The following ACTN3 variants were observed in gnomAD, a reference collection of about 807,000 sequenced individuals.
ACTN3 encodes actinin alpha 3.
A neutral mutation model predicts 119.6 loss-of-function variants in ACTN3; 91 were observed. That is an observed-to-expected ratio of 0.76 (90% CI 0.64 to 0.91). ACTN3 has a LOEUF of 0.91. Among genes scored for constraint, ACTN3 ranks in the 40% least tolerant of loss-of-function variants. The pLI is 0.00. For synonymous variants in ACTN3, 456 were observed against 478.8 expected, an observed-to-expected ratio of 0.95 and a Z score of 0.62; for missense variants, 1,221 against 1,215.1, an observed-to-expected ratio of 1.00 and a Z score of -0.07.
In ACTN3 at chr11:66,561,715, C is replaced by A. The variant is rs1857773958; in HGVS notation, c.2175+78C>A. 4 of 1,476,186 alleles carry A rather than the reference C, an allele frequency of 2.7e-6. No individual in the cohort carries two copies. The East Asian group carries it at 7.3e-5, about 27-fold the overall frequency. 91.4% of individuals were successfully genotyped at this position (1,476,186 alleles called of 1,614,324 possible). A position where few individuals can be genotyped will look rare whatever the true frequency, so the allele number is the denominator to read the frequency against. Reference sequence around the variant, plus strand: ...CCAGGGAGATCACAGCTGGACAGAGCATGTGTGTCCCAGCAGAGTCCCCAG... The same window carrying A: ...CCAGGGAGATCACAGCTGGACAGAGAATGTGTGTCCCAGCAGAGTCCCCAG... On this transcript the variant is annotated intron_variant, in intron 17 of 20. Coordinates refer to ENST00000513398, the MANE Select transcript of ACTN3 (RefSeq NM_001104.4).
In ACTN3 at chr11:66,561,348, A is replaced by ATT; in HGVS notation, c.1982_1983insTT (p.Gln661HisfsTer15). 1 of 1,611,070 alleles carries ATT rather than the reference A, an allele frequency of 6.2e-7. No homozygotes were observed. The highest frequency in any genetic ancestry group is 8.5e-7 in the Non-Finnish European group (1 of 1,178,520). On this transcript the variant is annotated frameshift_variant, in exon 16 of 21. Transcript: ENST00000513398. LOFTEE classifies it high-confidence loss of function. ...GCCAATGCCATTGGACCCTGGATCC[A>ATT]GGCGAAGGTGGAGGTAAGGGCTGGG...
chr11:66,555,275 C>T lies in ACTN3; in HGVS notation c.637-11C>T, dbSNP rs1306691400. On this transcript the variant is annotated splice_polypyrimidine_tract_variant and intron_variant, in intron 6 of 20. Transcript: ENST00000513398. ...GCTGACCTTTCACCCTCCTCCCTTA[C>T]ACCCTTCTAGGATGACCCCATCGGA... is the stretch of plus-strand genomic sequence containing the variant. 3.7e-6 allele frequency: 6 copies of T among 1,613,696 alleles called. No homozygotes were observed. In the Admixed American group the frequency reaches 5.0e-5, roughly 13 times the overall value.
rs376621537 is a variant in ACTN3 at position 66,559,398 on chromosome 11, C to T, written c.1427+12C>T. The T allele has an allele frequency of 3.6e-3, 5,363 of 1,487,466 alleles. 14 individuals are homozygous for T. Among genetic ancestry groups the T allele is most frequent in the Non-Finnish European group, 4.2e-3 (4,773 of 1,126,222 alleles). 92.1% of individuals were successfully genotyped at this position (1,487,466 alleles called of 1,614,324 possible). On this transcript the variant is annotated intron_variant, in intron 12 of 20. Coordinates refer to ENST00000513398, the MANE Select transcript of ACTN3 (RefSeq NM_001104.4). ...GCCCAGGAGCTCAAGTAGGCGGGGC[C>T]TCGCGGGGCCCGCCCCCAACACCCC...
Position 66,560,023 on chromosome 11 carries a change from G to A in ACTN3, c.1483G>A (p.Asp495Asn), listed in dbSNP as rs1395107785. 16 of 1,599,502 alleles carry A rather than the reference G, an allele frequency of 1.0e-5. No individual in the cohort carries two copies. The East Asian group carries it at 2.3e-4, about 23-fold the overall frequency. Residue 495 changes from aspartate (D) to asparagine (N), a missense_variant, in exon 13 of 21, where the codon GAT becomes AAT. Physicochemically the swap from Asp to Asn is conservative, Grantham distance 23. This residue lies in a region of ACTN3 where 934 missense variants were observed against 899.9 expected (regional missense o/e 1.04). Coordinates refer to ENST00000513398, the MANE Select transcript of ACTN3 (RefSeq NM_001104.4). ...GAATAGCCGCTGCCAGGCCATCTGCGATCAGTGGGACAACCTGGGCACCCT... is the reference window on the plus strand; with the variant it reads ...GAATAGCCGCTGCCAGGCCATCTGCAATCAGTGGGACAACCTGGGCACCCT... ...SVNSRCQAIC[D>N]QWDNLGTLTQ...
At chr11:66,560,781 C>T in intron 15 of ACTN3, 26 bp downstream of exon 15, 4 of 1,588,022 alleles carry the variant, frequency 2.5e-6, no homozygotes, top group Non-Finnish European at 3.4e-6. Context: ...AGCCTTCCTC[C>T]CACCCCCTCC....
In ACTN3 at chr11:66,561,557, A is replaced by G. The variant is rs1857765507; in HGVS notation, c.2095A>G (p.Ile699Val). The change falls in exon 17 of 21, where the codon ATT becomes GTT. Residue 699 changes from isoleucine to valine, a missense_variant. By Grantham distance (29) the Ile-to-Val change is conservative (BLOSUM62 3). Around this residue, in one of 3 missense-constraint regions of ACTN3, gnomAD observed 934 missense variants for 899.9 expected, o/e 1.04. Coordinates refer to ENST00000513398, the MANE Select transcript of ACTN3 (RefSeq NM_001104.4). ...EQNIINYKTN[I>V]DRLEGDHQLL... is the part of the protein sequence containing the mutation. ...GAACATTATCAACTACAAGACTAAC[A>G]TTGACCGGCTGGAGGGTGACCACCA... is the stretch of plus-strand genomic sequence containing the variant. 2 of 1,612,730 alleles carry G rather than the reference A, an allele frequency of 1.2e-6. No individual in the cohort carries two copies. Among genetic ancestry groups the G allele is most frequent in the South Asian group, 1.1e-5 (1 of 90,770 alleles).
In ACTN3 at chr11:66,546,924, G is replaced by C. The variant is rs761228242; in HGVS notation, c.-14G>C. The C allele has an allele frequency of 7.8e-6, 12 of 1,536,744 alleles. No individual in the cohort carries two copies. The highest frequency in any genetic ancestry group is 2.1e-5 in the Admixed American group (1 of 46,878). ...GAGCGTGCCGAGCGGAGCGAAGCCA[G>C]GAGCCCGATCGAGATGATGATGGTT... On this transcript the variant is annotated 5_prime_UTR_variant, in exon 1 of 21. Transcript: ENST00000513398.
Position 66,555,562 on chromosome 11 carries a change from C to T in ACTN3, c.718+195C>T, listed in dbSNP as rs138995175. On this transcript the variant is annotated intron_variant, in intron 7 of 20. Transcript: ENST00000513398. ...CCCATCCCCCAAAGAGGACCATCCT[C>T]TGCCACCTCTCCCCTATGTAATGGC... Among the ~76,000 whole-genome samples, 398 of 152,232 alleles carry T rather than the reference C, an allele frequency of 2.6e-3. 5 individuals are homozygous for T. The East Asian group carries it at 0.027, about 10-fold the overall frequency.
rs1857732417 is a variant in ACTN3 at position 66,560,602 on chromosome 11, G to A, written c.1707G>A (p.Lys569=). The A allele has an allele frequency of 1.2e-6, 2 of 1,613,416 alleles. No individual in the cohort carries two copies. The highest frequency in any genetic ancestry group is 1.7e-6 in the Non-Finnish European group (2 of 1,179,844). ...TGCTGACAGCGCACGATCAGTTCAA[G>A]GCAACACTGCCCGAGGCTGACCGAG... The part of the protein sequence containing the change: ...QSLLTAHDQF[K]ATLPEADRER... The change falls in exon 15 of 21, where the codon AAG becomes AAA. Residue 569 remains lysine (K), a synonymous_variant. Coordinates refer to ENST00000513398, the MANE Select transcript of ACTN3 (RefSeq NM_001104.4).
upstream of ACTN3, chr11:66,546,504 CTG>C (rs1857342554): frequency 2.6e-6 from 4 of 1,532,352 alleles, no homozygotes; most frequent in Non-Finnish European, 3.5e-6. Context: ...GTGTTCCTGA[CTG>C]TGAAATGGGG....
intron 1 of ACTN3, among the ~76,000 whole-genome samples, chr11:66,550,378 A>C (rs1279620626): frequency 1.3e-5 from 2 of 152,170 alleles, no homozygotes; most frequent in African/African-American, 4.8e-5. Context: ...CAACAGACAC[A>C]CAGCCCTGTA....
chr11:66,562,073 A>G lies in ACTN3; in HGVS notation c.2227A>G (p.Asn743Asp), dbSNP rs747560527. ...GCTCACCTCCATTGCCCGCACCATC[A>G]ATGAAGTGGAGAACCAGGTACTGAC... ...QLLTSIARTINEVENQVLTRD... is the reference protein window; with the variant it reads ...QLLTSIARTIDEVENQVLTRD... The change falls in exon 18 of 21, where the codon AAT becomes GAT. Residue 743 changes from asparagine (N) to aspartate (D), a missense_variant. Asn to Asp is a conservative substitution (Grantham distance 23, BLOSUM62 1). Transcript: ENST00000513398. 7 of 1,613,810 alleles carry G rather than the reference A, an allele frequency of 4.3e-6. No individual in the cohort carries two copies. The East Asian group carries it at 1.3e-4, about 31-fold the overall frequency.
chr11:66,554,524 C>T lies in ACTN3; in HGVS notation c.470-12C>T, dbSNP rs375570577. On this transcript the variant is annotated splice_polypyrimidine_tract_variant and intron_variant, in intron 4 of 20. Coordinates refer to ENST00000513398, the MANE Select transcript of ACTN3 (RefSeq NM_001104.4). ...CCTTCCCAATGAATCCTCCCACCTC[C>T]CCCCGACCCAGAAACCTCAGCCAAG... 6.2e-7 allele frequency: 1 copy of T among 1,601,078 alleles called. No homozygotes were observed. Among genetic ancestry groups the T allele is most frequent in the Non-Finnish European group, 8.5e-7 (1 of 1,172,982 alleles).
Position 66,562,078 on chromosome 11 carries a change from A to C in ACTN3, c.2232A>C (p.Glu744Asp), listed in dbSNP as rs371778972. Reference protein sequence around the residue: ...LLTSIARTINEVENQVLTRDA... With the variant: ...LLTSIARTINDVENQVLTRDA... Reference sequence around the variant, plus strand: ...CCTCCATTGCCCGCACCATCAATGAAGTGGAGAACCAGGTACTGACCCGAG... The same window carrying C: ...CCTCCATTGCCCGCACCATCAATGACGTGGAGAACCAGGTACTGACCCGAG... The change falls in exon 18 of 21, where the codon GAA becomes GAC. Residue 744 changes from glutamate to aspartate, a missense_variant. By Grantham distance (45) the Glu-to-Asp change is conservative (BLOSUM62 2). Around this residue, in one of 3 missense-constraint regions of ACTN3, gnomAD observed 934 missense variants for 899.9 expected, o/e 1.04. Coordinates refer to ENST00000513398, the MANE Select transcript of ACTN3 (RefSeq NM_001104.4). 4.4e-5 allele frequency: 71 copies of C among 1,613,888 alleles called. No individual in the cohort carries two copies. The highest frequency in any genetic ancestry group is 3.8e-4 in the East Asian group (17 of 44,852).
chr11:66,553,859 AAAAAAAAAAAAAG>A (rs972027019), intron 3 of ACTN3, among the ~76,000 whole-genome samples, 173 bp from the exon 4 acceptor site: 32 of 150,606 alleles, frequency 2.1e-4, no homozygotes, highest in Non-Finnish European at 3.7e-4. Context: ...ATCTCAAAAA[AAAAAAAAAAAAAG>A]AAAAAGAAAA....
rs770021937 is a variant in ACTN3 at position 66,557,782 on chromosome 11, A to T, written c.981A>T (p.Leu327=). 3.7e-6 allele frequency: 6 copies of T among 1,613,818 alleles called. No homozygotes were observed. The Admixed American group carries it at 1.0e-4, about 27-fold the overall frequency. ...GCATGAGTGCCATGCAGCGCAAACT[A>T]GAGGACTTTCGGGACTACCGGCGTC... ...EPSMSAMQRK[L]EDFRDYRRLH... Residue 327 remains leucine (L), a synonymous_variant, in exon 10 of 21, where the codon CTA becomes CTT. Coordinates refer to ENST00000513398, the MANE Select transcript of ACTN3 (RefSeq NM_001104.4).
At chr11:66,555,737 C>A (rs1055215810) in intron 7 of ACTN3, among the ~76,000 whole-genome samples, 3 of 152,236 alleles carry the variant, frequency 2.0e-5, no homozygotes, top group Non-Finnish European at 4.4e-5. Flanking sequence ...TTCTGAGCAT[C>A]TACTATGCAT....
rs193169026 is a variant in ACTN3, at chr11:66,563,128, G to T, written c.2641G>T (p.Ala881Ser). Reference protein sequence around the residue: ...RRMVPYKGSGAPAGALDYVAF... With the variant: ...RRMVPYKGSGSPAGALDYVAF... ...TATGGTGCCCTACAAGGGATCCGGG[G>T]CCCCGGCTGGAGCCCTGGACTACGT... The change falls in exon 21 of 21, where the codon GCC becomes TCC. Residue 881 changes from alanine (A) to serine (S), a missense_variant. Around this residue, in one of 3 missense-constraint regions of ACTN3, gnomAD observed 934 missense variants for 899.9 expected, o/e 1.04. Coordinates refer to ENST00000513398, the MANE Select transcript of ACTN3 (RefSeq NM_001104.4). 763 of 1,613,374 alleles carry T rather than the reference G, an allele frequency of 4.7e-4. 3 individuals are homozygous for T. In the African/African-American group the frequency reaches 7.2e-3, roughly 15 times the overall value.
intron 4 of ACTN3, 64 bp from the exon 5 acceptor site, chr11:66,554,472 A>AAT: frequency 1.6e-6 from 2 of 1,233,518 alleles, no homozygotes; most frequent in Non-Finnish European, 2.2e-6. Flanking sequence ...AAAAAAAAAA[A>AAT]GAAGTGTGAG....
Sources: allele counts gnomAD v4.1 joint callset (sites outside exome capture counted in the v4.1 genomes callset), GRCh38; gene constraint gnomAD v4.1.1; regional missense constraint gnomAD v4.1.1; transcripts MANE v1.5; gene names NCBI Gene and HGNC (gene_info 2026-07-23, HGNC 2026-07-21).